YARS1: variants seen among roughly 807,000 people sequenced by gnomAD.
The protein encoded by YARS1 is tyrosine--tRNA ligase, cytoplasmic.
A neutral mutation model predicts 62.2 loss-of-function variants in YARS1; 36 were observed. That is an observed-to-expected ratio of 0.58 (90% CI 0.44 to 0.76). YARS1 has a LOEUF of 0.76. Ranked by LOEUF, YARS1 falls within the 30% of genes least tolerant of loss-of-function variation. YARS1 has a pLI of 0.00. For synonymous variants in YARS1, 234 were observed against 244.9 expected (o/e 0.96, Z 0.42); for missense variants, 524 against 639.8 (o/e 0.82, Z 1.95).
In YARS1 at chr1:32,788,867, C is replaced by G. The variant is rs185768796; in HGVS notation, c.685-1792G>C. On this transcript the variant is annotated intron_variant, in intron 6 of 12. Transcript: ENST00000373477. Reference sequence around the variant, plus strand: ...ATAGGATCTTGCTTGCTCTGTTGCCCTGGCTGGAGTGTGGTGGCACAATCA... The same window carrying G: ...ATAGGATCTTGCTTGCTCTGTTGCCGTGGCTGGAGTGTGGTGGCACAATCA... Among the ~76,000 whole-genome samples, 1,162 of 152,282 alleles carry G rather than the reference C, an allele frequency of 7.6e-3. 13 individuals carry two copies. Among genetic ancestry groups the G allele is most frequent in the Non-Finnish European group, 0.012 (793 of 68,020 alleles).
At chr1:32,811,301 C>T in intron 1 of YARS1, 2 of 565,622 alleles carry the variant, frequency 3.5e-6, no homozygotes, top group South Asian at 1.9e-5. Context: ...CCCCTTGCAG[C>T]CTCTTACCCA....
intron 1 of YARS1, among the ~76,000 whole-genome samples, chr1:32,813,689 T>C (rs977902450): frequency 5.3e-5 from 8 of 152,184 alleles, no homozygotes; most frequent in African/African-American, 1.7e-4. Context: ...CTTGTAACAG[T>C]TGTCTCTTCT....
intron 4 of YARS1, among the ~76,000 whole-genome samples, chr1:32,805,219 A>AAAGGGGAG (rs1557463180): frequency 1.7e-5 from 1 of 57,516 alleles, no homozygotes; most frequent in Admixed American, 2.7e-4. Flanking sequence ...GAGACGGTGG[A>AAAGGGGAG]AAGGGGAGAG....
intron 12 of YARS1, 49 bp downstream of exon 12, chr1:32,779,331 GAC>G: frequency 6.2e-7 from 1 of 1,613,838 alleles, no homozygotes; most frequent in Non-Finnish European, 8.5e-7. Flanking sequence ...ACAGTCTGGG[GAC>G]ACAGTCCAGG....
At position 32,786,365 on chromosome 1, in the gene YARS1, A is replaced by G; in HGVS notation, c.903T>C (p.Ala301=). 2 of 1,613,992 alleles carry G rather than the reference A, an allele frequency of 1.2e-6. No individual in the cohort carries two copies. Among genetic ancestry groups the G allele is most frequent in the Non-Finnish European group, 1.7e-6 (2 of 1,179,926 alleles). Residue 301 remains alanine, a synonymous_variant, in exon 8 of 13, where the codon GCT becomes GCC. Transcript: ENST00000373477. ...ATTCCTTTTCCTTTCATGTTACCTC[A>G]GCAGCAAAGTCCTTTTCCAGGTCCA... The part of the protein sequence containing the change: ...AYVDLEKDFA[A]EVVHPGDLKN...
At chr1:32,810,885 C>T (rs1638569585) in intron 2 of YARS1, 26 bp downstream of exon 2, 2 of 1,614,142 alleles carry the variant, frequency 1.2e-6, no homozygotes, top group East Asian at 4.5e-5. Context: ...GGTCATTCCC[C>T]AAGGGCTTAT....
chr1:32,786,808 T>G lies in YARS1; in HGVS notation c.820+132A>C, dbSNP rs1029750616. ...TCCCAACATCATTCATACTTTAATA[T>G]ATAAGAAATCAGAGCAGAGAATCAG... is the stretch of plus-strand genomic sequence containing the variant. On this transcript the variant is annotated intron_variant, in intron 7 of 12. Transcript: ENST00000373477. The G allele has an allele frequency of 8.3e-6, 10 of 1,205,744 alleles. No individual in the cohort carries two copies. In the African/African-American group the frequency reaches 9.2e-5, roughly 11 times the overall value. 74.7% of individuals were successfully genotyped at this position (1,205,744 alleles called of 1,614,324 possible).
intron 4 of YARS1, among the ~76,000 whole-genome samples, chr1:32,805,078 A>G (rs529927934): frequency 8.1e-4 from 124 of 152,194 alleles, no homozygotes; most frequent in African/African-American, 2.8e-3. Context: ...CAAAAAATAC[A>G]AATTGCAGGC....
intron 1 of YARS1, among the ~76,000 whole-genome samples, chr1:32,812,929 T>C (rs139359660): frequency 7.4e-5 from 11 of 148,796 alleles, no homozygotes; most frequent in African/African-American, 2.0e-4. Context: ...TATTGCACCA[T>C]TGCACTCCAG....
chr1:32,775,442 T>C lies in YARS1; in HGVS notation c.*539A>G, dbSNP rs550239801. 69 of 158,650 alleles carry C rather than the reference T, an allele frequency of 4.3e-4. No individual in the cohort carries two copies. Among genetic ancestry groups the C allele is most frequent in the Admixed American group, 1.3e-3 (21 of 16,758 alleles). The allele number at this position is 158,650 out of a possible 1,614,324, so 9.8% of individuals were successfully genotyped here. On this transcript the variant is annotated 3_prime_UTR_variant, in exon 13 of 13. Coordinates refer to ENST00000373477, the MANE Select transcript of YARS1 (RefSeq NM_003680.4). ...ATTCCAGGAGCCCTGGGGCAGGCCC[T>C]GGCCCCCAGTGCCAAGCCTCAGAGT...
At chr1:32,793,542 G>C (rs532405774) in intron 5 of YARS1, among the ~76,000 whole-genome samples, 1 of 152,268 alleles carries the variant, frequency 6.6e-6, no homozygotes, top group East Asian at 1.9e-4. Context: ...TACTTGGGAG[G>C]CTGAGGTGGG....
rs541023134 is a variant in YARS1 at position 32,786,803 on chromosome 1, T to C, written c.820+137A>G. The C allele has an allele frequency of 7.9e-5, 94 of 1,186,860 alleles. 2 individuals carry two copies. The East Asian group carries it at 1.5e-3, about 19-fold the overall frequency. 73.5% of individuals were successfully genotyped at this position (1,186,860 alleles called of 1,614,324 possible). A position where few individuals can be genotyped will look rare whatever the true frequency, so the allele number is the denominator to read the frequency against. ...TTACATCCCAACATCATTCATACTTTAATATATAAGAAATCAGAGCAGAGA... is the reference window on the plus strand; with the variant it reads ...TTACATCCCAACATCATTCATACTTCAATATATAAGAAATCAGAGCAGAGA... On this transcript the variant is annotated intron_variant, in intron 7 of 12. Transcript: ENST00000373477.
At chr1:32,799,699 T>C (rs1025025084) in intron 4 of YARS1, among the ~76,000 whole-genome samples, 1 of 152,216 alleles carries the variant, frequency 6.6e-6, no homozygotes, top group Non-Finnish European at 1.5e-5. Flanking sequence ...GAACTTGATA[T>C]ATAGCCAATG....
chr1:32,779,956 G>T, intron 11 of YARS1, 129 bp downstream of exon 11: 1 of 1,056,830 alleles, frequency 9.5e-7, no homozygotes, highest in Non-Finnish European at 1.5e-6. Flanking sequence ...ATCAACTTTT[G>T]GCATCAGCAA....
chr1:32,790,797 TA>T (rs1290081444), intron 6 of YARS1: 1 of 266,728 alleles, frequency 3.7e-6, no homozygotes, highest in African/African-American at 2.2e-5. Context: ...TCTTAAATAT[TA>T]AAAGATATCA....
chr1:32,780,592 A>C, intron 10 of YARS1: 2 of 460,274 alleles, frequency 4.3e-6, no homozygotes, highest in Non-Finnish European at 8.0e-6. Context: ...GTTGGGGTAC[A>C]CAGTGAGAAG....
chr1:32,816,929 TG>T (rs1233314701), intron 1 of YARS1: 10 of 594,614 alleles, frequency 1.7e-5, no homozygotes, highest in Non-Finnish European at 2.4e-5. Flanking sequence ...GGGGGTGGAA[TG>T]GGAGTCCTGG....
At chr1:32,806,704 C>T in intron 3 of YARS1, 93 bp from the exon 4 acceptor site, 2 of 1,540,818 alleles carry the variant, frequency 1.3e-6, no homozygotes, top group Non-Finnish European at 8.9e-7. Context: ...CTTCCCTAAC[C>T]TTAGTGTAAC....
intron 11 of YARS1, 154 bp downstream of exon 11, chr1:32,779,931 A>G (rs1054299734): frequency 2.1e-5 from 18 of 850,300 alleles, no homozygotes; most frequent in South Asian, 1.5e-4. Context: ...TACTTGTACG[A>G]TAAGTCCTTC....
Sources: gnomAD v4.1 joint callset for allele counts (sites outside exome capture counted in the v4.1 genomes callset) on GRCh38, gnomAD v4.1.1 for gene constraint, MANE v1.5 for transcripts, NCBI Gene and HGNC (gene_info 2026-07-23, HGNC 2026-07-21) for gene names.